OTUD7A: variants seen among roughly 807,000 people sequenced by gnomAD.
OTUD7A encodes the protein OTU domain-containing protein 7A.
Under a neutral mutation model 65.7 loss-of-function variants are expected in OTUD7A, and 12 were observed. The observed-to-expected ratio is 0.18, with a 90% CI of 0.12 to 0.30. OTUD7A has a LOEUF of 0.30. Ranked by LOEUF, OTUD7A falls within the 10% of genes least tolerant of loss-of-function variation. The pLI is 1.00. For synonymous variants in OTUD7A, 641 were observed against 586.3 expected, an observed-to-expected ratio of 1.09 and a Z score of -1.35; for missense variants, 1,148 against 1,304.8, an observed-to-expected ratio of 0.88 and a Z score of 1.85.
intron 3 of OTUD7A, among the ~76,000 whole-genome samples, chr15:31,621,996 A>G (rs1383602645): frequency 6.6e-6 from 1 of 152,076 alleles, no homozygotes; most frequent in East Asian, 1.9e-4. Flanking sequence ...CTTGTCTGTA[A>G]AGGATTTATT....
rs1352417575 is a variant in OTUD7A at position 31,481,762 on chromosome 15, T to C, written c.*1532A>G. On this transcript the variant is annotated 3_prime_UTR_variant, in exon 13 of 13. Transcript: ENST00000307050. ...CCTCGCCCCCCCTTTTTTTTTGTTT[T>C]TGCTGCTCTTTAGTTAGGGAAAAAA... 1 of 152,534 alleles carries C rather than the reference T, an allele frequency of 6.6e-6. No individual in the cohort carries two copies. Among genetic ancestry groups the C allele is most frequent in the Non-Finnish European group, 1.5e-5 (1 of 68,002 alleles). The allele number at this position is 152,534 out of a possible 1,614,324, so 9.4% of individuals were successfully genotyped here. A position where few individuals can be genotyped will look rare whatever the true frequency, so the allele number is the denominator to read the frequency against.
chr15:31,479,660 G>T lies in OTUD7A; in HGVS notation c.*3634C>A, dbSNP rs2041084692. The T allele has an allele frequency of 8.1e-6, 1 of 123,548 alleles. No homozygotes were observed. Among genetic ancestry groups the T allele is most frequent in the African/African-American group, 3.5e-5 (1 of 28,866 alleles). 7.7% of individuals were successfully genotyped at this position (123,548 alleles called of 1,614,324 possible). A position where few individuals can be genotyped will look rare whatever the true frequency, so the allele number is the denominator to read the frequency against. On this transcript the variant is annotated 3_prime_UTR_variant, in exon 13 of 13. Coordinates refer to ENST00000307050, the MANE Select transcript of OTUD7A (RefSeq NM_001382637.1). ...CGCAAAATAAGTTTGTGGACACTAA[G>T]TGGGGGGGGGGGGTGATGGGCCCAT...
intron 3 of OTUD7A, among the ~76,000 whole-genome samples, chr15:31,598,520 T>C (rs959955446): frequency 6.6e-6 from 1 of 152,160 alleles, no homozygotes; most frequent in Non-Finnish European, 1.5e-5. Flanking sequence ...GACCAGGAGA[T>C]TCCTTCCAGT....
rs1303106033 is a variant in OTUD7A, at chr15:31,699,241, G to A, written c.-99-42164C>T. On this transcript the variant is annotated intron_variant, in intron 1 of 12. Coordinates refer to ENST00000307050, the MANE Select transcript of OTUD7A (RefSeq NM_001382637.1). ...ACTACAGGCGCCCGCCACCACGCCCGGCTAATTTTTTGTAGTTTTAGTAGA... is the reference window on the plus strand; with the variant it reads ...ACTACAGGCGCCCGCCACCACGCCCAGCTAATTTTTTGTAGTTTTAGTAGA... Among the ~76,000 whole-genome samples the A allele has an allele frequency of 4.6e-5, 7 of 152,018 alleles. No homozygotes were observed. In the South Asian group the frequency reaches 1.2e-3, roughly 27 times the overall value.
At chr15:31,775,668 C>T (rs1203186767) in intron 1 of OTUD7A, among the ~76,000 whole-genome samples, 1 of 152,194 alleles carries the variant, frequency 6.6e-6, no homozygotes, top group Non-Finnish European at 1.5e-5. Context: ...TACTACTCTC[C>T]TAACCCCGTT....
intron 1 of OTUD7A, among the ~76,000 whole-genome samples, chr15:31,791,302 G>A (rs1392502259): frequency 6.6e-6 from 1 of 152,228 alleles, no homozygotes; most frequent in Non-Finnish European, 1.5e-5. Context: ...TGGGATTACA[G>A]GCATAAGCTA....
intron 1 of OTUD7A, among the ~76,000 whole-genome samples, chr15:31,709,808 A>ATG (rs1294096492): frequency 4.6e-5 from 7 of 152,172 alleles, no homozygotes; most frequent in African/African-American, 1.2e-4. Flanking sequence ...ATGCAAATAT[A>ATG]TGTGTATATA....
At chr15:31,803,448 A>G (rs1448075653) in intron 1 of OTUD7A, among the ~76,000 whole-genome samples, 1 of 152,098 alleles carries the variant, frequency 6.6e-6, no homozygotes. Flanking sequence ...TCCAGCATAT[A>G]CACCACCAAC....
chr15:31,695,697 G>A (rs1212629348), intron 1 of OTUD7A, among the ~76,000 whole-genome samples: 5 of 152,206 alleles, frequency 3.3e-5, no homozygotes, highest in Non-Finnish European at 5.9e-5. Flanking sequence ...AGCTCAGCCC[G>A]CTCCCTGGTG....
intron 1 of OTUD7A, among the ~76,000 whole-genome samples, chr15:31,796,142 C>CGTGTGTGTGTGTGTGTGTGTGTGTGTGT (rs145581747): frequency 8.1e-5 from 12 of 148,132 alleles, no homozygotes; most frequent in Admixed American, 8.1e-4. Flanking sequence ...GTAAGGGGTG[C>CGTGTGTGTGTGTGTGTGTGTGTGTGTGT]GTGTGTGTGT....
At chr15:31,626,279 A>C (rs1178204711) in intron 3 of OTUD7A, among the ~76,000 whole-genome samples, 3 of 152,190 alleles carry the variant, frequency 2.0e-5, no homozygotes, top group Admixed American at 2.0e-4. Context: ...TCTACAACTT[A>C]CCTTGAAATA....
chr15:31,855,967 T>G (rs1176279555), intron 1 of OTUD7A, among the ~76,000 whole-genome samples: 1 of 152,162 alleles, frequency 6.6e-6, no homozygotes, highest in Admixed American at 6.5e-5. Flanking sequence ...GGACATTACT[T>G]CCTGCACATC....
intron 1 of OTUD7A, among the ~76,000 whole-genome samples, chr15:31,817,224 G>T (rs1256097743): frequency 6.6e-6 from 1 of 150,874 alleles, no homozygotes. Context: ...ATTTAAGTCA[G>T]TTATTCACAT....
intron 1 of OTUD7A, among the ~76,000 whole-genome samples, chr15:31,855,115 G>C (rs915259823): frequency 7.9e-5 from 12 of 151,686 alleles, no homozygotes; most frequent in Non-Finnish European, 1.5e-4. Flanking sequence ...TATAATACAA[G>C]AAAACTTCTG....
At chr15:31,602,136 G>A (rs1377540198) in intron 3 of OTUD7A, among the ~76,000 whole-genome samples, 1 of 152,066 alleles carries the variant, frequency 6.6e-6, no homozygotes, top group African/African-American at 2.4e-5. Context: ...CCAAAACCTG[G>A]CAAAGACACA....
At chr15:31,725,687 T>C (rs752316333) in intron 1 of OTUD7A, among the ~76,000 whole-genome samples, 15 of 152,266 alleles carry the variant, frequency 9.9e-5, no homozygotes, top group Non-Finnish European at 1.9e-4. Context: ...CACGTGGCTC[T>C]GTAACTTGCT....
chr15:31,501,811 G>T lies in OTUD7A; in HGVS notation c.1050C>A (p.Ile350=). ...EAFAPIPFGG[I]YLPLEVPPNR... The stretch of plus-strand genomic sequence containing the variant: ...TGGGAGGGACCTCCAAGGGCAGGTA[G>T]ATCCCTCCGAATGGGATGGGTGCGA... Residue 350 remains isoleucine (I), a synonymous_variant, in exon 10 of 13, where the codon ATC becomes ATA. Transcript: ENST00000307050. 6.2e-7 allele frequency: 1 copy of T among 1,613,916 alleles called. No individual in the cohort carries two copies. The highest frequency in any genetic ancestry group is 8.5e-7 in the Non-Finnish European group (1 of 1,179,844).
chr15:31,589,929 GATA>G (rs1251570953), intron 3 of OTUD7A, among the ~76,000 whole-genome samples: 2 of 152,052 alleles, frequency 1.3e-5, no homozygotes, highest in Non-Finnish European at 2.9e-5. Context: ...ATGATAAAAG[GATA>G]ATAATTTTGG....
chr15:31,615,491 C>T (rs542110117), intron 3 of OTUD7A, among the ~76,000 whole-genome samples: 2 of 152,194 alleles, frequency 1.3e-5, no homozygotes, highest in Admixed American at 6.5e-5. Flanking sequence ...ATATACAAGT[C>T]CACGATCATA....
Sources: allele counts gnomAD v4.1 joint callset (sites outside exome capture counted in the v4.1 genomes callset), GRCh38; gene constraint gnomAD v4.1.1; transcripts MANE v1.5; gene names NCBI Gene and HGNC (gene_info 2026-07-23, HGNC 2026-07-21).